The following UBAP2 variants were observed in gnomAD, a reference collection of about 807,000 sequenced individuals.
UBAP2 encodes ubiquitin associated protein 2.
Under a neutral mutation model 139.6 loss-of-function variants are expected in UBAP2, and 75 were observed. The ratio of observed to expected loss-of-function variants is 0.54; its 90% CI spans 0.45 to 0.65. The LOEUF is 0.65. Among genes scored for constraint, UBAP2 ranks in the 30% least tolerant of loss-of-function variants. UBAP2 has a pLI of 0.00. For synonymous variants in UBAP2, 526 were observed against 526.2 expected, an observed-to-expected ratio of 1.00 and a Z score of 0.01; for missense variants, 1,368 against 1,369.6, an observed-to-expected ratio of 1.00 and a Z score of 0.02.
At chr9:33,941,157 G>C (rs926528832) in intron 16 of UBAP2, among the ~76,000 whole-genome samples, 1 of 152,178 alleles carries the variant, frequency 6.6e-6, no homozygotes, top group African/African-American at 2.4e-5. Flanking sequence ...CAGATATGCA[G>C]TTAGCAAGAA....
At chr9:33,926,455 G>A (rs936954208) in intron 22 of UBAP2, among the ~76,000 whole-genome samples, 162 bp downstream of exon 22, 1 of 152,166 alleles carries the variant, frequency 6.6e-6, no homozygotes, top group South Asian at 2.1e-4. Flanking sequence ...GGTCACGCCT[G>A]GCACAACCGC....
intron 4 of UBAP2, chr9:33,994,857 TCTCA>T (rs2131173058): frequency 6.6e-6 from 1 of 152,292 alleles, no homozygotes; most frequent in African/African-American, 2.4e-5. Context: ...GCTTTCAGTT[TCTCA>T]GAGTTCATTT....
At chr9:34,027,900 T>C (rs1421771730) in intron 1 of UBAP2, among the ~76,000 whole-genome samples, 2 of 147,534 alleles carry the variant, frequency 1.4e-5, no homozygotes, top group Non-Finnish European at 3.0e-5. Context: ...CTCAACTAAA[T>C]TAGGAGGCCC....
intron 1 of UBAP2, among the ~76,000 whole-genome samples, chr9:34,027,826 C>T (rs1430947729): frequency 6.7e-6 from 1 of 149,708 alleles, no homozygotes; most frequent in African/African-American, 2.5e-5. Context: ...TGCACCACTG[C>T]ACTCCAGGCT....
chr9:33,964,990 T>C (rs1827338421), intron 8 of UBAP2, among the ~76,000 whole-genome samples: 1 of 152,220 alleles, frequency 6.6e-6, no homozygotes, highest in South Asian at 2.1e-4. Context: ...TTACTTTGTA[T>C]TTCTCCAATG....
Position 33,996,234 on chromosome 9 carries a change from T to A in UBAP2, c.277A>T (p.Asn93Tyr), listed in dbSNP as rs1442163564. Residue 93 changes from asparagine (N) to tyrosine (Y), a missense_variant, in exon 4 of 29, where the codon AAT (asparagine) becomes TAT (tyrosine). Transcript: ENST00000379238. ...TTAATAATACTTACTGTGTCTGAAT[T>A]CCCTTCCAGCAATATATTGATAGCT... ...NKAINILLEG[N>Y]SDTTSWETVG... is the part of the protein sequence containing the mutation. 5.0e-6 allele frequency: 8 copies of A among 1,610,312 alleles called. No homozygotes were observed. Among genetic ancestry groups the A allele is most frequent in the Non-Finnish European group, 6.8e-6 (8 of 1,177,344 alleles).
chr9:33,924,104 GCTA>G lies in UBAP2; in HGVS notation c.2590+99_2590+101del, dbSNP rs997684731. ...AGGTCTGGCTGCCAGCTCAGCACAG[GCTA>G]CTAAGAGGCCTCTCTCAGCTTGCTG... On this transcript the variant is annotated intron_variant, in intron 23 of 28. Transcript: ENST00000379238. 6.8e-5 allele frequency: 107 copies of G among 1,578,346 alleles called. No individual in the cohort carries two copies. The African/African-American group carries it at 1.1e-3, about 16-fold the overall frequency.
chr9:33,954,867 T>C (rs949092752), intron 11 of UBAP2, among the ~76,000 whole-genome samples: 4 of 152,236 alleles, frequency 2.6e-5, no homozygotes, highest in African/African-American at 9.6e-5. Flanking sequence ...TTGATCCTGT[T>C]AGGTTCAAAA....
At chr9:34,030,269 C>T (rs535499464) in intron 1 of UBAP2, among the ~76,000 whole-genome samples, 1 of 151,998 alleles carries the variant, frequency 6.6e-6, no homozygotes, top group African/African-American at 2.4e-5. Flanking sequence ...CACGGTGATA[C>T]CCCATCTCTA....
chr9:33,948,461 G>A lies in UBAP2; in HGVS notation c.1183C>T (p.Gln395Ter). The change falls in exon 13 of 29, where the codon CAG (glutamine) becomes TAG (stop). Residue 395 changes from glutamine to a stop codon, truncating the protein, a stop_gained. Transcript: ENST00000379238. LOFTEE classifies it high-confidence loss of function. The part of the protein sequence containing the change: ...LGQFTTTPST[Q>*]QNSTSHPTTT... ...GTAGGGTGACTTGTACTATTCTGCT[G>A]TGTACTTGGGGTGGTGGTAAACTGG... The A allele has an allele frequency of 6.2e-7, 1 of 1,614,186 alleles. No homozygotes were observed. The highest frequency in any genetic ancestry group is 8.5e-7 in the Non-Finnish European group (1 of 1,180,028).
At chr9:34,008,817 T>C (rs1454453597) in intron 2 of UBAP2, among the ~76,000 whole-genome samples, 1 of 151,128 alleles carries the variant, frequency 6.6e-6, no homozygotes, top group African/African-American at 2.4e-5. Context: ...AAACAAAAAT[T>C]AGCTGAGCAC....
intron 2 of UBAP2, among the ~76,000 whole-genome samples, chr9:34,005,005 G>A (rs1471312034): frequency 1.3e-5 from 2 of 150,980 alleles, no homozygotes; most frequent in African/African-American, 4.9e-5. Flanking sequence ...GCTCAGGCCT[G>A]TAATCCCAGC....
At chr9:34,039,688 C>T (rs1423171811) in intron 1 of UBAP2, among the ~76,000 whole-genome samples, 2 of 151,734 alleles carry the variant, frequency 1.3e-5, no homozygotes, top group African/African-American at 2.4e-5. Flanking sequence ...TCTCAAGTAC[C>T]CAGGGACACA....
At chr9:34,036,271 C>A (rs981067395) in intron 1 of UBAP2, among the ~76,000 whole-genome samples, 2 of 152,026 alleles carry the variant, frequency 1.3e-5, no homozygotes, top group African/African-American at 2.4e-5. Context: ...CACCCACCGC[C>A]ATGCCCGGAT....
chr9:34,029,496 T>C (rs1825702369), intron 1 of UBAP2, among the ~76,000 whole-genome samples: 1 of 149,822 alleles, frequency 6.7e-6, no homozygotes, highest in Non-Finnish European at 1.5e-5. Context: ...GCCACGGCAC[T>C]CCAGCCTGGA....
At chr9:33,955,239 G>C (rs1299742197) in intron 11 of UBAP2, among the ~76,000 whole-genome samples, 1 of 151,636 alleles carries the variant, frequency 6.6e-6, no homozygotes, top group African/African-American at 2.4e-5. Context: ...AAAAAGTTTA[G>C]GCCAGGCGCG....
intron 11 of UBAP2, among the ~76,000 whole-genome samples, chr9:33,955,637 T>C (rs571916941): frequency 3.9e-4 from 60 of 152,044 alleles, no homozygotes; most frequent in African/African-American, 1.4e-3. Flanking sequence ...GAGACCAGCC[T>C]GACCAACATG....
chr9:33,991,176 C>T (rs1260167704), intron 4 of UBAP2, among the ~76,000 whole-genome samples: 6 of 152,124 alleles, frequency 3.9e-5, no homozygotes, highest in Non-Finnish European at 8.8e-5. Flanking sequence ...ATCCCAGCTA[C>T]TCAGGAGGCT....
intron 2 of UBAP2, among the ~76,000 whole-genome samples, chr9:34,012,901 G>C (rs965164762): frequency 1.3e-5 from 2 of 151,308 alleles, no homozygotes; most frequent in Admixed American, 6.6e-5. Context: ...CTATAATCCG[G>C]GCAGTTTGGG....
Sources: allele counts gnomAD v4.1 joint callset (sites outside exome capture counted in the v4.1 genomes callset), GRCh38; gene constraint gnomAD v4.1.1; transcripts MANE v1.5; gene names NCBI Gene and HGNC (gene_info 2026-07-23, HGNC 2026-07-21).